The following GIPC2 variants were observed in gnomAD, a reference collection of about 807,000 sequenced individuals.
The protein encoded by GIPC2 is GIPC PDZ domain containing family member 2, also known as PDZ domain-containing protein GIPC2.
In GIPC2, 30 loss-of-function variants were observed where a neutral mutation model predicts 30.6. That is an observed-to-expected ratio of 0.98 (90% CI 0.73 to 1.33). The LOEUF (loss-of-function observed/expected upper bound fraction) is 1.33. Among genes scored for constraint, GIPC2 ranks in the 40% most tolerant of loss-of-function variants. The pLI is 0.00. For missense variants in GIPC2, 414 were observed against 390.3 expected (o/e 1.06, Z -0.51); for synonymous variants, 167 against 150.0 (o/e 1.11, Z -0.83).
chr1:78,047,138 C>T (rs1342372173), intron 1 of GIPC2, among the ~76,000 whole-genome samples: 1 of 152,204 alleles, frequency 6.6e-6, no homozygotes, highest in African/African-American at 2.4e-5. Context: ...ACCTAAAGCA[C>T]TAGTTTATGT....
intron 5 of GIPC2, among the ~76,000 whole-genome samples, chr1:78,133,023 T>C (rs2100456097): frequency 6.6e-6 from 1 of 152,348 alleles, no homozygotes; most frequent in African/African-American, 2.4e-5. Context: ...ACATTCTGGC[T>C]ACTCTTCTTT....
At position 78,119,380 on chromosome 1, in the gene GIPC2, C is replaced by G; in HGVS notation, c.608-13C>G. On this transcript the variant is annotated splice_polypyrimidine_tract_variant and intron_variant, in intron 3 of 5. Transcript: ENST00000370759. ...CTGTGTATATGTATGTTTCCCTGTTCATTGTATTGTAGAAATAGAGCTGAG... is the reference window on the plus strand; with the variant it reads ...CTGTGTATATGTATGTTTCCCTGTTGATTGTATTGTAGAAATAGAGCTGAG... 1 of 1,450,862 alleles carries G rather than the reference C, an allele frequency of 6.9e-7. No individual in the cohort carries two copies. Among genetic ancestry groups the G allele is most frequent in the Non-Finnish European group, 9.7e-7 (1 of 1,032,352 alleles). 89.9% of individuals were successfully genotyped at this position (1,450,862 alleles called of 1,614,324 possible).
chr1:78,133,438 G>T (rs772255722), intron 5 of GIPC2, among the ~76,000 whole-genome samples: 3 of 152,148 alleles, frequency 2.0e-5, no homozygotes, highest in Non-Finnish European at 4.4e-5. Flanking sequence ...TGATTTGTTT[G>T]TGCATTTAAG....
At chr1:78,053,049 G>A (rs890990021) in intron 1 of GIPC2, among the ~76,000 whole-genome samples, 3 of 152,106 alleles carry the variant, frequency 2.0e-5, no homozygotes, top group Non-Finnish European at 2.9e-5. Context: ...GGAAAAACAA[G>A]TTACAAAAAT....
At chr1:78,080,537 A>AC in intron 1 of GIPC2, 138 bp from the exon 2 acceptor site, 1 of 545,516 alleles carries the variant, frequency 1.8e-6, no homozygotes, top group East Asian at 3.1e-5. Context: ...TCTCTAGCCA[A>AC]CATAAAAACA....
At position 78,135,898 on chromosome 1, in the gene GIPC2, G is replaced by C. The variant is rs1312008993; in HGVS notation, c.*155G>C. 1.7e-6 allele frequency: 1 copy of C among 576,228 alleles called. No individual in the cohort carries two copies. Among genetic ancestry groups the C allele is most frequent in the Non-Finnish European group, 2.8e-6 (1 of 351,070 alleles). The allele number at this position is 576,228 out of a possible 1,614,324, so 35.7% of individuals were successfully genotyped here. ...TTTGAAATATAATTTTGGTAATTTT[G>C]ATTTCTGGGCACTTTTTAACATTGC... On this transcript the variant is annotated 3_prime_UTR_variant, in exon 6 of 6. Coordinates refer to ENST00000370759, the MANE Select transcript of GIPC2 (RefSeq NM_017655.6).
At chr1:78,059,446 A>G (rs183765164) in intron 1 of GIPC2, among the ~76,000 whole-genome samples, 4 of 152,240 alleles carry the variant, frequency 2.6e-5, no homozygotes, top group African/African-American at 4.8e-5. Context: ...TGGTGTATCT[A>G]AAGTCATTTA....
chr1:78,109,928 G>A (rs11162414), intron 3 of GIPC2, among the ~76,000 whole-genome samples: 49,305 of 151,778 alleles, frequency 0.32, 9,227 homozygotes, highest in East Asian at 0.61. Flanking sequence ...TCAGCAAACT[G>A]TCGCAAGGAC....
At chr1:78,099,144 A>T (rs1412988530) in intron 3 of GIPC2, among the ~76,000 whole-genome samples, 1 of 152,096 alleles carries the variant, frequency 6.6e-6, no homozygotes, top group Non-Finnish European at 1.5e-5. Flanking sequence ...TTCCATTCAG[A>T]CATTTGTTGA....
At chr1:78,135,529 A>AT in intron 5 of GIPC2, 63 bp from the exon 6 acceptor site, 5 of 988,672 alleles carry the variant, frequency 5.1e-6, no homozygotes, top group Non-Finnish European at 7.5e-6. Context: ...TCCTGTTGCC[A>AT]TTTTTCTCAG....
chr1:78,069,149 TG>T, intron 1 of GIPC2: 1 of 927,892 alleles, frequency 1.1e-6, no homozygotes, highest in African/African-American at 1.8e-5. Context: ...GGGCAGTGCC[TG>T]GGTATCTCCA....
At chr1:78,119,152 G>A (rs1194076031) in intron 3 of GIPC2, among the ~76,000 whole-genome samples, 1 of 151,856 alleles carries the variant, frequency 6.6e-6, no homozygotes, top group Non-Finnish European at 1.5e-5. Context: ...TTTCCCATCT[G>A]TACATTTCAC....
chr1:78,091,622 ATCCCCATC>A, intron 2 of GIPC2: 1 of 769,658 alleles, frequency 1.3e-6, no homozygotes, highest in Non-Finnish European at 2.4e-6. Flanking sequence ...CGTGTCTGCC[ATCCCCATC>A]TGGTTATACT....
At chr1:78,054,189 C>T (rs1471300471) in intron 1 of GIPC2, among the ~76,000 whole-genome samples, 1 of 152,136 alleles carries the variant, frequency 6.6e-6, no homozygotes, top group Non-Finnish European at 1.5e-5. Context: ...CCTGTGAATC[C>T]AGAAATCTGG....
In GIPC2 at chr1:78,091,734, A is replaced by G. The variant is rs951461111; in HGVS notation, c.427-3218A>G. On this transcript the variant is annotated intron_variant, in intron 2 of 5. Transcript: ENST00000370759. Reference sequence around the variant, plus strand: ...TATTTGGTAGCCTTTGCATACAAGAATGTTAAATTTGTTCTCAAGCACAAA... The same window carrying G: ...TATTTGGTAGCCTTTGCATACAAGAGTGTTAAATTTGTTCTCAAGCACAAA... The G allele has an allele frequency of 3.2e-5, 25 of 775,338 alleles. 1 individual carries two copies. The highest frequency in any genetic ancestry group is 1.3e-4 in the South Asian group (10 of 74,518). The allele number at this position is 775,338 out of a possible 1,614,324, so 48.0% of individuals were successfully genotyped here. A position where few individuals can be genotyped will look rare whatever the true frequency, so the allele number is the denominator to read the frequency against.
At chr1:78,080,885 A>G (rs770344959) in intron 2 of GIPC2, 25 bp downstream of exon 2, 2 of 1,357,466 alleles carry the variant, frequency 1.5e-6, no homozygotes, top group African/African-American at 2.9e-5. Flanking sequence ...ATAACAGTGT[A>G]ACCTAATTGA....
At chr1:78,087,671 G>A (rs192852347) in intron 2 of GIPC2, among the ~76,000 whole-genome samples, 154 of 152,224 alleles carry the variant, frequency 1.0e-3, no homozygotes, top group Non-Finnish European at 1.7e-3. Context: ...GGAAGACAAT[G>A]TAGGCAATAT....
chr1:78,134,319 T>C (rs1662960556), intron 5 of GIPC2, among the ~76,000 whole-genome samples: 1 of 151,380 alleles, frequency 6.6e-6, no homozygotes, highest in African/African-American at 2.4e-5. Context: ...GTTCTGTATG[T>C]ATGTGTCTGT....
chr1:78,125,987 T>G (rs2100441034), intron 5 of GIPC2, 25 bp downstream of exon 5: 1 of 1,018,932 alleles, frequency 9.8e-7, no homozygotes, highest in South Asian at 1.3e-5. Flanking sequence ...TTTAAAAAAG[T>G]CTTATATCTC....
Sources: allele counts gnomAD v4.1 joint callset (sites outside exome capture counted in the v4.1 genomes callset), GRCh38; gene constraint gnomAD v4.1.1; transcripts MANE v1.5; gene names NCBI Gene and HGNC (gene_info 2026-07-23, HGNC 2026-07-21).